ACTN1: variants seen among roughly 807,000 people sequenced by gnomAD.
ACTN1 encodes actinin alpha 1.
ACTN1 carries 30 observed loss-of-function variants against 119.6 expected under a neutral mutation model. The ratio of observed to expected loss-of-function variants is 0.25; its 90% CI spans 0.19 to 0.34. The LOEUF is 0.34. Among genes scored for constraint, ACTN1 ranks in the 10% least tolerant of loss-of-function variants. ACTN1 has a pLI of 1.00. For missense variants in ACTN1, 764 were observed against 1,223.4 expected, an observed-to-expected ratio of 0.62 and a Z score of 5.60; for synonymous variants, 429 against 472.6, an observed-to-expected ratio of 0.91 and a Z score of 1.20.
Position 68,885,823 on chromosome 14 carries a change from A to G in ACTN1, c.1235-248T>C. 1 of 506,346 alleles carries G rather than the reference A, an allele frequency of 2.0e-6. No homozygotes were observed. Among genetic ancestry groups the G allele is most frequent in the East Asian group, 3.2e-5 (1 of 31,184 alleles). 31.4% of individuals were successfully genotyped at this position (506,346 alleles called of 1,614,324 possible). A position where few individuals can be genotyped will look rare whatever the true frequency, so the allele number is the denominator to read the frequency against. The stretch of plus-strand genomic sequence containing the variant: ...ATGAAAGTGTCTACGCAGGAAGGCT[A>G]TGCAGGAGTCTGTGGGAATGCATAG... On this transcript the variant is annotated intron_variant, in intron 11 of 21. Coordinates refer to ENST00000394419, the MANE Select transcript of ACTN1 (RefSeq NM_001130004.2). This position sits in a 1 kb window ranked among gnomAD's most constrained non-coding sequence, Gnocchi z 5.6.
At chr14:68,888,315 G>A in intron 11 of ACTN1, 1 of 286,262 alleles carries the variant, frequency 3.5e-6, no homozygotes, top group Non-Finnish European at 6.7e-6. Context: ...CACTTCTCAT[G>A]CCCCTGCTGG....
chr14:68,890,202 G>C lies in ACTN1; in HGVS notation c.1171C>G (p.Arg391Gly). ...AACTTCTCTGCCAGGTGGTCCAGTC[G>C]CTCCAGCCTCCGGATCTCATTCAGC... is the stretch of plus-strand genomic sequence containing the variant. ...WLLNEIRRLE[R>G]LDHLAEKFRQ... The change falls in exon 11 of 22, where the codon CGA (arginine) becomes GGA (glycine). Residue 391 changes from arginine (R) to glycine (G), a missense_variant. Physicochemically the swap from Arg to Gly is moderately radical, Grantham distance 125. Around this residue, in one of 4 missense-constraint regions of ACTN1, gnomAD observed 544 missense variants for 912.0 expected, o/e 0.60. Transcript: ENST00000394419. The C allele has an allele frequency of 6.2e-7, 1 of 1,614,150 alleles. No individual in the cohort carries two copies. Among genetic ancestry groups the C allele is most frequent in the Non-Finnish European group, 8.5e-7 (1 of 1,180,026 alleles).
chr14:68,877,105 A>G lies in ACTN1; in HGVS notation c.2563T>C (p.Phe855Leu). Residue 855 changes from phenylalanine to leucine, a missense_variant, in exon 21 of 22, where the codon TTC (phenylalanine) becomes CTC (leucine). By Grantham distance (22) the Phe-to-Leu change is conservative. Transcript: ENST00000394419. ...ACCTTGTCCCCAGCCAGGATCTTGA[A>G]GGAAGCCATGACTTGGTCTGCTGTA... ...TDTADQVMAS[F>L]KILAGDKNYI... The G allele has an allele frequency of 6.2e-7, 1 of 1,614,158 alleles. No homozygotes were observed. Among genetic ancestry groups the G allele is most frequent in the South Asian group, 1.1e-5 (1 of 91,076 alleles).
rs1106522 is a variant in ACTN1 at position 68,910,254 on chromosome 14, G to A, written c.428-212C>T. Among the ~76,000 whole-genome samples, 27,072 of 152,204 alleles carry A rather than the reference G, an allele frequency of 0.18. 3,252 individuals carry two copies. The highest frequency in any genetic ancestry group is 0.63 in the East Asian group (3,271 of 5,170). On this transcript the variant is annotated intron_variant, in intron 4 of 21. Coordinates refer to ENST00000394419, the MANE Select transcript of ACTN1 (RefSeq NM_001130004.2). ...GCTGGGAAGCTGTTCAGAGCTAGTC[G>A]TGTTACACGTGTAAATTTTGAGACA...
At chr14:68,965,985 G>A (rs1431545184) in intron 1 of ACTN1, among the ~76,000 whole-genome samples, 7 of 152,280 alleles carry the variant, frequency 4.6e-5, no homozygotes, top group East Asian at 1.9e-4. Flanking sequence ...TTGGGAGGCC[G>A]AGGCAGGAGA....
At chr14:68,943,215 C>A (rs767696721) in intron 1 of ACTN1, among the ~76,000 whole-genome samples, 11 of 152,074 alleles carry the variant, frequency 7.2e-5, no homozygotes, top group Admixed American at 2.6e-4. Context: ...AGGGACAGGG[C>A]GGCAAGGTAT....
intron 1 of ACTN1, among the ~76,000 whole-genome samples, chr14:68,949,038 C>T (rs975710537): frequency 7.2e-5 from 11 of 152,342 alleles, no homozygotes; most frequent in South Asian, 2.1e-4. Flanking sequence ...AGGACAGGAG[C>T]TCCTGCTCTG....
intron 1 of ACTN1, among the ~76,000 whole-genome samples, chr14:68,958,982 A>G (rs1197481596): frequency 6.6e-6 from 1 of 152,238 alleles, no homozygotes; most frequent in Non-Finnish European, 1.5e-5. Context: ...TGCCCTTCAC[A>G]TGCTTAGCAC....
At chr14:68,889,711 G>C (rs572372148) in intron 11 of ACTN1, among the ~76,000 whole-genome samples, 2 of 152,224 alleles carry the variant, frequency 1.3e-5, no homozygotes, top group Non-Finnish European at 2.9e-5. Context: ...TTGAACCCAC[G>C]AAGTGGAGGT....
Position 68,885,024 on chromosome 14 carries a change from T to C in ACTN1, c.1386-141A>G. ...TCCCTTCAAGAGACCTTCCAGGCACTCCTTCCACCCCTCCCCTCTTTCAGG... is the reference window on the plus strand; with the variant it reads ...TCCCTTCAAGAGACCTTCCAGGCACCCCTTCCACCCCTCCCCTCTTTCAGG... On this transcript the variant is annotated intron_variant, in intron 12 of 21. Coordinates refer to ENST00000394419, the MANE Select transcript of ACTN1 (RefSeq NM_001130004.2). This position sits in a 1 kb window ranked among gnomAD's most constrained non-coding sequence, Gnocchi z 5.6. 1 of 666,610 alleles carries C rather than the reference T, an allele frequency of 1.5e-6. No homozygotes were observed. Among genetic ancestry groups the C allele is most frequent in the Non-Finnish European group, 2.6e-6 (1 of 383,592 alleles). The allele number at this position is 666,610 out of a possible 1,614,324, so 41.3% of individuals were successfully genotyped here.
In ACTN1 at chr14:68,925,527, G is replaced by GT; in HGVS notation, c.220+30dup. 1 of 1,575,802 alleles carries GT rather than the reference G, an allele frequency of 6.3e-7. No homozygotes were observed. Among genetic ancestry groups the GT allele is most frequent in the Non-Finnish European group, 8.7e-7 (1 of 1,150,038 alleles). On this transcript the variant is annotated intron_variant, in intron 2 of 21. Transcript: ENST00000394419. This position sits in a 1 kb window ranked among gnomAD's most constrained non-coding sequence, Gnocchi z 4.3. Reference sequence around the variant, plus strand: ...AGGTGTCAGGCAGCACCAATAGACAGTATCTCGTCCTGGGCCAGGTTCCGC... The same window carrying GT: ...AGGTGTCAGGCAGCACCAATAGACAGTTATCTCGTCCTGGGCCAGGTTCCGC...
At chr14:68,959,457 C>T (rs1483350981) in intron 1 of ACTN1, among the ~76,000 whole-genome samples, 1 of 152,172 alleles carries the variant, frequency 6.6e-6, no homozygotes, top group Non-Finnish European at 1.5e-5. Flanking sequence ...AAAAAGTGCC[C>T]CTTTCTCGTG....
chr14:68,926,208 A>C (rs963911161), intron 1 of ACTN1, among the ~76,000 whole-genome samples: 2 of 152,224 alleles, frequency 1.3e-5, no homozygotes, highest in African/African-American at 4.8e-5. Flanking sequence ...ACAAGGGAGA[A>C]GAGTAAGCAC....
At chr14:68,973,571 G>A (rs1217657692) in intron 1 of ACTN1, among the ~76,000 whole-genome samples, 1 of 152,138 alleles carries the variant, frequency 6.6e-6, no homozygotes, top group Non-Finnish European at 1.5e-5. Context: ...ACCCAGTCTT[G>A]GGTATGTCTT....
intron 11 of ACTN1, among the ~76,000 whole-genome samples, chr14:68,889,766 A>G (rs910114188): frequency 6.6e-6 from 1 of 151,940 alleles, no homozygotes; most frequent in African/African-American, 2.4e-5. Flanking sequence ...CCTGGCAACA[A>G]GAACACAATT....
At chr14:68,903,184 T>C (rs959689911) in intron 7 of ACTN1, among the ~76,000 whole-genome samples, 2 of 152,242 alleles carry the variant, frequency 1.3e-5, no homozygotes, top group Non-Finnish European at 2.9e-5. Context: ...CCATTCTATC[T>C]GGATGATGGA....
At chr14:68,876,359 C>T (rs771622576) in intron 21 of ACTN1, among the ~76,000 whole-genome samples, 13 of 152,202 alleles carry the variant, frequency 8.5e-5, no homozygotes, top group Non-Finnish European at 1.8e-4. Flanking sequence ...GAACAGAACA[C>T]AGACCCTAGG....
chr14:68,979,016 T>A lies in ACTN1; in HGVS notation c.41A>T (p.Gln14Leu). 1 of 1,604,642 alleles carries A rather than the reference T, an allele frequency of 6.2e-7. No individual in the cohort carries two copies. Among genetic ancestry groups the A allele is most frequent in the Non-Finnish European group, 8.5e-7 (1 of 1,175,246 alleles). ...GTCCCGGTCCCAGTCCTCTTCTGGC[T>A]GCATGTAATCGTTGGTTTGCTGAGA... The part of the protein sequence containing the change: ...YDSQQTNDYM[Q>L]PEEDWDRDLL... The change falls in exon 1 of 22, where the codon CAG becomes CTG. Residue 14 changes from glutamine (Q) to leucine (L), a missense_variant. Gln to Leu is a moderately radical substitution (Grantham distance 113). Coordinates refer to ENST00000394419, the MANE Select transcript of ACTN1 (RefSeq NM_001130004.2).
intron 8 of ACTN1, among the ~76,000 whole-genome samples, chr14:68,896,807 A>T (rs1308350653): frequency 6.6e-6 from 1 of 152,226 alleles, no homozygotes; most frequent in Non-Finnish European, 1.5e-5. Context: ...ATAATGTAAC[A>T]GATGCACAGA....
Sources: allele counts gnomAD v4.1 joint callset (sites outside exome capture counted in the v4.1 genomes callset), GRCh38; gene constraint gnomAD v4.1.1; regional missense constraint gnomAD v4.1.1; non-coding constraint Gnocchi (gnomAD v3.1); transcripts MANE v1.5; gene names NCBI Gene and HGNC (gene_info 2026-07-23, HGNC 2026-07-21).